The following ATL2 variants were observed in gnomAD, a reference collection of about 807,000 sequenced individuals.
The protein encoded by ATL2 is atlastin-2.
A neutral mutation model predicts 73.9 loss-of-function variants in ATL2; 31 were observed. That is an observed-to-expected ratio of 0.42 (90% CI 0.32 to 0.57). The LOEUF is 0.57. ATL2 is among the 20% of genes least tolerant of loss of function. The pLI, the probability that ATL2 is intolerant of heterozygous loss-of-function variation, is 0.14. For missense variants in ATL2, 738 were observed against 702.6 expected (o/e 1.05, Z -0.57); for synonymous variants, 291 against 237.5 (o/e 1.23, Z -2.07).
intron 9 of ATL2, among the ~76,000 whole-genome samples, chr2:38,308,402 A>T (rs1667567932): frequency 6.6e-6 from 1 of 152,208 alleles, no homozygotes. Flanking sequence ...CTAAAAATTT[A>T]AACAACTGAA....
intron 1 of ATL2, among the ~76,000 whole-genome samples, chr2:38,375,287 C>T (rs1442794263): frequency 6.6e-6 from 1 of 152,132 alleles, no homozygotes; most frequent in Non-Finnish European, 1.5e-5. Flanking sequence ...CAAATCCTAC[C>T]AAGCTCATTT....
intron 5 of ATL2, 66 bp downstream of exon 5, chr2:38,315,218 T>G: frequency 1.5e-6 from 2 of 1,367,054 alleles, no homozygotes; most frequent in Middle Eastern, 2.5e-4. Flanking sequence ...GCCACCGTAC[T>G]CTAGTCTGGG....
At chr2:38,311,005 A>T (rs532481553) in intron 7 of ATL2, among the ~76,000 whole-genome samples, 4 of 152,332 alleles carry the variant, frequency 2.6e-5, no homozygotes, top group African/African-American at 7.2e-5. Flanking sequence ...CAAATAAGGT[A>T]GTTAATCACA....
intron 1 of ATL2, among the ~76,000 whole-genome samples, chr2:38,366,449 G>T (rs571203761): frequency 4.6e-5 from 7 of 152,022 alleles, no homozygotes; most frequent in Non-Finnish European, 1.0e-4. Context: ...ATCTCTTTTA[G>T]ATTGAAAATT....
At position 38,294,542 on chromosome 2, in the gene ATL2, C is replaced by T. The variant is rs368300660; in HGVS notation, c.*1452G>A. On this transcript the variant is annotated 3_prime_UTR_variant, in exon 13 of 13. Coordinates refer to ENST00000378954, the MANE Select transcript of ATL2 (RefSeq NM_001135673.4). ...CAGCCTGGGTGACAGAGAGAGACTC[C>T]GTCTCAAAAAAGAAACAAACAAAAC... Among the ~76,000 whole-genome samples, 1 of 151,316 alleles carries T rather than the reference C, an allele frequency of 6.6e-6. No homozygotes were observed. The highest frequency in any genetic ancestry group is 2.1e-4 in the South Asian group (1 of 4,796).
intron 6 of ATL2, 36 bp from the exon 7 acceptor site, chr2:38,313,279 A>C (rs1218813088): frequency 6.7e-7 from 1 of 1,481,948 alleles, no homozygotes; most frequent in Non-Finnish European, 9.2e-7. Context: ...TTTATTTTAC[A>C]ATAAAGAAAA....
At chr2:38,336,860 A>G (rs569446382) in intron 2 of ATL2, among the ~76,000 whole-genome samples, 2 of 152,326 alleles carry the variant, frequency 1.3e-5, no homozygotes, top group East Asian at 3.9e-4. Flanking sequence ...CCGTTACATC[A>G]CAAAATAGTA....
intron 3 of ATL2, 50 bp from the exon 4 acceptor site, chr2:38,318,689 A>C: frequency 6.9e-7 from 1 of 1,453,716 alleles, no homozygotes; most frequent in Non-Finnish European, 9.4e-7. Context: ...GCCAAAAATG[A>C]CTATAAAAAA....
chr2:38,366,174 T>C (rs958157753), intron 1 of ATL2, among the ~76,000 whole-genome samples: 1 of 151,610 alleles, frequency 6.6e-6, no homozygotes, highest in African/African-American at 2.4e-5. Context: ...GTTTGGCAAT[T>C]TGAGGGTACA....
intron 9 of ATL2, among the ~76,000 whole-genome samples, chr2:38,308,867 C>T (rs1343311734): frequency 5.3e-5 from 8 of 151,876 alleles, no homozygotes. Context: ...GTTAAAACTA[C>T]TACAAATAAT....
chr2:38,377,437 C>T (rs1020276515), upstream of ATL2, among the ~76,000 whole-genome samples: 2 of 151,074 alleles, frequency 1.3e-5, no homozygotes, highest in African/African-American at 4.9e-5. Flanking sequence ...CTCCCTCCGC[C>T]CCCGCCCCGC....
At chr2:38,304,521 T>G (rs1667348478) in intron 9 of ATL2, among the ~76,000 whole-genome samples, 1 of 152,162 alleles carries the variant, frequency 6.6e-6, no homozygotes, top group Non-Finnish European at 1.5e-5. Context: ...TTGTGGTGTG[T>G]AAACAACTCA....
At chr2:38,347,335 C>A (rs751016721) in intron 1 of ATL2, among the ~76,000 whole-genome samples, 1 of 152,124 alleles carries the variant, frequency 6.6e-6, no homozygotes, top group Non-Finnish European at 1.5e-5. Flanking sequence ...TGAAGCTAAC[C>A]CTGTTTCCCA....
chr2:38,376,317 G>C lies in ATL2; in HGVS notation c.118+826C>G, dbSNP rs1486405457. The C allele has an allele frequency of 2.2e-5, 28 of 1,253,700 alleles. No homozygotes were observed. In the East Asian group the frequency reaches 7.2e-4, roughly 32 times the overall value. The allele number at this position is 1,253,700 out of a possible 1,614,324, so 77.7% of individuals were successfully genotyped here. ...ACGCAACTGCGTCTTCGAGGGGGCA[G>C]GGGCGCTCCTGGTACACGTACAGTA... On this transcript the variant is annotated intron_variant, in intron 1 of 12. Transcript: ENST00000378954.
intron 2 of ATL2, among the ~76,000 whole-genome samples, chr2:38,335,869 T>C (rs1558424276): frequency 6.6e-6 from 1 of 151,928 alleles, no homozygotes; most frequent in Non-Finnish European, 1.5e-5. Context: ...TGAAACCCCG[T>C]CTCTACTAAA....
intron 2 of ATL2, among the ~76,000 whole-genome samples, chr2:38,334,900 T>TA (rs1669240058): frequency 5.4e-5 from 1 of 18,618 alleles, no homozygotes; most frequent in Non-Finnish European, 1.4e-4. Flanking sequence ...TAATATATAT[T>TA]ATTTATAATA....
Position 38,361,092 on chromosome 2 carries a change from G to T in ATL2, c.118+16051C>A, listed in dbSNP as rs566951501. Among the ~76,000 whole-genome samples, 9 of 152,068 alleles carry T rather than the reference G, an allele frequency of 5.9e-5. 1 individual carries two copies. In the South Asian group the frequency reaches 1.9e-3, roughly 32 times the overall value. ...CAAGCAGCCAGGCGCGGTGGCTCAT[G>T]CCTGTAATCCCAGCACTTTGGGAGG... is the stretch of plus-strand genomic sequence containing the variant. On this transcript the variant is annotated intron_variant, in intron 1 of 12. Coordinates refer to ENST00000378954, the MANE Select transcript of ATL2 (RefSeq NM_001135673.4).
intron 9 of ATL2, among the ~76,000 whole-genome samples, chr2:38,303,621 A>G (rs1291160698): frequency 1.3e-5 from 2 of 152,188 alleles, no homozygotes; most frequent in African/African-American, 4.8e-5. Context: ...AAGATCTAGA[A>G]AATAGCCCCA....
chr2:38,309,019 T>C (rs193230746), intron 9 of ATL2, among the ~76,000 whole-genome samples: 5 of 152,156 alleles, frequency 3.3e-5, no homozygotes, highest in East Asian at 1.9e-4. Context: ...CTCAGAACTC[T>C]GAGGGAGTGT....
Sources: allele counts gnomAD v4.1 joint callset (sites outside exome capture counted in the v4.1 genomes callset), GRCh38; gene constraint gnomAD v4.1.1; transcripts MANE v1.5; gene names NCBI Gene and HGNC (gene_info 2026-07-23, HGNC 2026-07-21).